The following TFCP2 variants were observed in gnomAD, a reference collection of about 807,000 sequenced individuals.
The protein encoded by TFCP2 is alpha-globin transcription factor CP2.
TFCP2 carries 33 observed loss-of-function variants against 73.4 expected under a neutral mutation model. The observed-to-expected ratio is 0.45, with a 90% confidence interval of 0.34 to 0.60. The LOEUF is 0.60. Ranked by LOEUF, TFCP2 falls within the 20% of genes least tolerant of loss-of-function variation. The probability of loss-of-function intolerance (pLI) is 0.01; values close to 1 mark genes in which losing one functional copy is unlikely to be tolerated. For synonymous variants in TFCP2, 193 were observed against 211.6 expected, an observed-to-expected ratio of 0.91 and a Z score of 0.76; for missense variants, 352 against 604.0, an observed-to-expected ratio of 0.58 and a Z score of 4.37.
At chr12:51,158,528 G>A (rs1393802914) in intron 1 of TFCP2, among the ~76,000 whole-genome samples, 17 of 151,796 alleles carry the variant, frequency 1.1e-4, no homozygotes, top group Admixed American at 7.9e-4. Context: ...TTGCTCTGTC[G>A]CCCAGGCTGA....
chr12:51,147,602 G>T (rs887820983), intron 1 of TFCP2, among the ~76,000 whole-genome samples: 3 of 152,114 alleles, frequency 2.0e-5, no homozygotes, highest in African/African-American at 7.2e-5. Flanking sequence ...GTAGGAGAAT[G>T]AAACTGGATC....
chr12:51,167,398 CA>C (rs1941776662), intron 1 of TFCP2, among the ~76,000 whole-genome samples: 1 of 52,774 alleles, frequency 1.9e-5, no homozygotes, highest in African/African-American at 4.4e-5. Flanking sequence ...GACTGATTGA[CA>C]TTTTTTTTTT....
chr12:51,107,129 G>T, intron 7 of TFCP2, 107 bp downstream of exon 7: 2 of 882,126 alleles, frequency 2.3e-6, no homozygotes, highest in Non-Finnish European at 1.8e-6. Context: ...ATGTGATACT[G>T]TGTCCCTCAA....
At chr12:51,125,840 G>A (rs1422428405) in intron 1 of TFCP2, among the ~76,000 whole-genome samples, 1 of 152,174 alleles carries the variant, frequency 6.6e-6, no homozygotes, top group Non-Finnish European at 1.5e-5. Context: ...GCTCATGCCT[G>A]TAATCCCAGC....
intron 1 of TFCP2, among the ~76,000 whole-genome samples, chr12:51,161,284 C>T (rs1941643372): frequency 6.6e-6 from 1 of 152,072 alleles, no homozygotes; most frequent in African/African-American, 2.4e-5. Context: ...TGGAATCTGA[C>T]TTTCAGAGTT....
In TFCP2 at chr12:51,172,328, T is replaced by C; in HGVS notation, c.95A>G (p.Glu32Gly). 6.2e-7 allele frequency: 1 copy of C among 1,614,096 alleles called. No homozygotes were observed. ...CATGCTATAGGCACCAGCACCCAGTTCCTGGCCGATCCCGGACAGGCTAGC... is the reference window on the plus strand; with the variant it reads ...CATGCTATAGGCACCAGCACCCAGTCCCTGGCCGATCCCGGACAGGCTAGC... ...FDASLSGIGQ[E>G]LGAGAYSMSD... is the part of the protein sequence containing the mutation. Residue 32 changes from glutamate (E) to glycine (G), a missense_variant, in exon 1 of 15, where the codon GAA becomes GGA. Transcript: ENST00000257915.
At chr12:51,158,120 G>C (rs1160869989) in intron 1 of TFCP2, among the ~76,000 whole-genome samples, 1 of 151,980 alleles carries the variant, frequency 6.6e-6, no homozygotes, top group Admixed American at 6.6e-5. Flanking sequence ...TCTCACCTCA[G>C]CCTCCTGAGT....
At chr12:51,100,076 C>T (rs985241567) in intron 11 of TFCP2, among the ~76,000 whole-genome samples, 2 of 152,104 alleles carry the variant, frequency 1.3e-5, no homozygotes, top group African/African-American at 2.4e-5. Context: ...AACAATCAGC[C>T]GTTCTTCTTA....
At chr12:51,114,942 A>T (rs1940487617) in intron 4 of TFCP2, among the ~76,000 whole-genome samples, 1 of 151,238 alleles carries the variant, frequency 6.6e-6, no homozygotes, top group Non-Finnish European at 1.5e-5. Context: ...CATGCCTGTA[A>T]TCCCAGCTAC....
intron 1 of TFCP2, among the ~76,000 whole-genome samples, chr12:51,140,543 C>T (rs1449453022): frequency 7.0e-6 from 1 of 143,158 alleles, no homozygotes; most frequent in Non-Finnish European, 1.5e-5. Flanking sequence ...ACCTCAGCCT[C>T]CCAAAGTGCT....
intron 1 of TFCP2, among the ~76,000 whole-genome samples, chr12:51,131,469 T>A (rs1212016443): frequency 6.6e-6 from 1 of 152,124 alleles, no homozygotes. Flanking sequence ...CATAAACAAT[T>A]CCTAAAAATG....
At chr12:51,107,894 G>A (rs955192728) in intron 6 of TFCP2, among the ~76,000 whole-genome samples, 2 of 151,026 alleles carry the variant, frequency 1.3e-5, no homozygotes, top group African/African-American at 2.4e-5. Context: ...ATGAGCCACC[G>A]TGCCTAGCCT....
chr12:51,134,230 G>A (rs574491192), intron 1 of TFCP2, among the ~76,000 whole-genome samples: 12 of 152,210 alleles, frequency 7.9e-5, no homozygotes, highest in East Asian at 5.8e-4. Context: ...ATGTTTGTGC[G>A]TCTACAGAAC....
intron 1 of TFCP2, among the ~76,000 whole-genome samples, chr12:51,144,496 G>A (rs1031186607): frequency 6.6e-6 from 1 of 152,098 alleles, no homozygotes; most frequent in Non-Finnish European, 1.5e-5. Context: ...CTATAGAAGA[G>A]AACACAGAAC....
chr12:51,132,357 C>CTTTTTTTT (rs869123355), intron 1 of TFCP2, among the ~76,000 whole-genome samples: 7,823 of 61,686 alleles, frequency 0.13, 2,973 homozygotes, highest in Non-Finnish European at 0.16. Flanking sequence ...AGGGATTAGT[C>CTTTTTTTT]TTTTTTTTTT....
At chr12:51,169,844 G>A (rs1324446584) in intron 1 of TFCP2, among the ~76,000 whole-genome samples, 5 of 152,208 alleles carry the variant, frequency 3.3e-5, no homozygotes, top group Non-Finnish European at 7.4e-5. Flanking sequence ...GTGTAAATAT[G>A]CAAGCCATTC....
At chr12:51,104,422 T>G (rs1296545147) in intron 8 of TFCP2, among the ~76,000 whole-genome samples, 3 of 152,224 alleles carry the variant, frequency 2.0e-5, no homozygotes, top group Non-Finnish European at 4.4e-5. Flanking sequence ...TAGCAATATT[T>G]TCTTATTATT....
At chr12:51,140,105 T>C (rs1941154322) in intron 1 of TFCP2, among the ~76,000 whole-genome samples, 1 of 152,162 alleles carries the variant, frequency 6.6e-6, no homozygotes, top group Non-Finnish European at 1.5e-5. Context: ...GTAGCAACTG[T>C]TCAAAACATT....
chr12:51,100,966 G>A lies in TFCP2; in HGVS notation c.1151+969C>T, dbSNP rs116573138. Among the ~76,000 whole-genome samples the A allele has an allele frequency of 5.9e-3, 894 of 152,180 alleles. 5 individuals carry two copies. Among genetic ancestry groups the A allele is most frequent in the African/African-American group, 0.019 (783 of 41,502 alleles). ...TTTAAAATTGTAAATCCCAAAAAAGGACCACAAATTACTATGTATTTTAAC... is the reference window on the plus strand; with the variant it reads ...TTTAAAATTGTAAATCCCAAAAAAGAACCACAAATTACTATGTATTTTAAC... On this transcript the variant is annotated intron_variant, in intron 11 of 14. Transcript: ENST00000257915.
Sources: gnomAD v4.1 joint callset for allele counts (sites outside exome capture counted in the v4.1 genomes callset) on GRCh38, gnomAD v4.1.1 for gene constraint, MANE v1.5 for transcripts, NCBI Gene and HGNC (gene_info 2026-07-23, HGNC 2026-07-21) for gene names.